CD300LG: variants seen among roughly 807,000 people sequenced by gnomAD.
CD300LG encodes the protein CMRF35-like molecule 9.
Under a neutral mutation model 31.5 loss-of-function variants are expected in CD300LG, and 29 were observed. That is an observed-to-expected ratio of 0.92 (90% CI 0.68 to 1.25). The LOEUF (loss-of-function observed/expected upper bound fraction) is 1.25, where lower values mean the gene tolerates loss of function less well. Ranked by LOEUF, CD300LG falls within the 50% of genes most tolerant of loss-of-function variation. CD300LG has a pLI of 0.00. For synonymous variants in CD300LG, 175 were observed against 177.2 expected (o/e 0.99, Z 0.10); for missense variants, 396 against 417.6 (o/e 0.95, Z 0.45).
At position 43,852,943 on chromosome 17, in the gene CD300LG, C is replaced by A; in HGVS notation, c.411C>A (p.Thr137=). The A allele has an allele frequency of 6.2e-7, 1 of 1,613,166 alleles. No homozygotes were observed. Among genetic ancestry groups the A allele is most frequent in the Non-Finnish European group, 8.5e-7 (1 of 1,179,606 alleles). ...GPCCPPSPSP[T]FQPLATTRLQ... is the part of the protein sequence containing the mutation. The stretch of plus-strand genomic sequence containing the variant: ...GCTGTCCTCCCTCCCCTTCTCCCAC[C>A]TTCCAGCCTCTGGCTACAACACGCC... Residue 137 remains threonine, a synonymous_variant, in exon 3 of 7, where the codon ACC becomes ACA. Transcript: ENST00000317310.
At position 43,858,023 on chromosome 17, in the gene CD300LG, C is replaced by T. The variant is rs73985466; in HGVS notation, c.885+867C>T. ...GGCTGCAGCATCGCACTTCAGGCAA[C>T]AGAAGCCCCTCCTGGCCCCTCCTCC... is the stretch of plus-strand genomic sequence containing the variant. On this transcript the variant is annotated intron_variant, in intron 6 of 6. Transcript: ENST00000317310. 4.0e-3 allele frequency: 5,860 copies of T among 1,454,192 alleles called. 198 individuals are homozygous for T. In the African/African-American group the frequency reaches 0.074, roughly 18 times the overall value. The allele number at this position is 1,454,192 out of a possible 1,614,324, so 90.1% of individuals were successfully genotyped here.
chr17:43,862,004 G>A lies in CD300LG; in HGVS notation c.*93G>A. ...GAAAGCTTTCCACCTCAGCCTCAGA[G>A]TCCAGCTGCCCGGACTCCAGGGCTC... On this transcript the variant is annotated 3_prime_UTR_variant, in exon 7 of 7. Transcript: ENST00000317310. 1.2e-6 allele frequency: 1 copy of A among 860,494 alleles called. No individual in the cohort carries two copies. 53.3% of individuals were successfully genotyped at this position (860,494 alleles called of 1,614,324 possible).
At chr17:43,852,514 T>C (rs2046389178) in intron 2 of CD300LG, among the ~76,000 whole-genome samples, 1 of 152,212 alleles carries the variant, frequency 6.6e-6, no homozygotes. Context: ...ACACCCGGCC[T>C]GAAGCCTGAG....
chr17:43,859,161 G>T (rs568496633), intron 6 of CD300LG, among the ~76,000 whole-genome samples: 1 of 152,130 alleles, frequency 6.6e-6, no homozygotes, highest in South Asian at 2.1e-4. Flanking sequence ...AAGTACAAGG[G>T]GTTTGAGGAA....
intron 5 of CD300LG, 194 bp downstream of exon 5, chr17:43,855,513 A>G (rs772903506): frequency 2.1e-6 from 1 of 465,732 alleles, no homozygotes; most frequent in Non-Finnish European, 3.8e-6. Context: ...GTAATTCACA[A>G]GGGGAAATGG....
At position 43,848,668 on chromosome 17, in the gene CD300LG, A is replaced by G. The variant is rs771133413; in HGVS notation, c.154A>G (p.Arg52Gly). Residue 52 changes from arginine (R) to glycine (G), a missense_variant, in exon 2 of 7, where the codon AGG becomes GGG. Coordinates refer to ENST00000317310, the MANE Select transcript of CD300LG (RefSeq NM_145273.4). ...ELRDHRKYWC[R>G]KGGILFSRCS... ...GAGGGACCACCGGAAGTACTGGTGCAGGAAGGGTGGGATCCTCTTCTCTCG... is the reference window on the plus strand; with the variant it reads ...GAGGGACCACCGGAAGTACTGGTGCGGGAAGGGTGGGATCCTCTTCTCTCG... 1.2e-6 allele frequency: 2 copies of G among 1,614,154 alleles called. No individual in the cohort carries two copies. Among genetic ancestry groups the G allele is most frequent in the South Asian group, 1.1e-5 (1 of 91,084 alleles).
intron 2 of CD300LG, among the ~76,000 whole-genome samples, chr17:43,850,690 C>G (rs541032712): frequency 6.6e-6 from 1 of 151,962 alleles, no homozygotes; most frequent in Non-Finnish European, 1.5e-5. Context: ...ATTGGCCTGT[C>G]TGGTCTCAAA....
intron 4 of CD300LG, 56 bp downstream of exon 4, chr17:43,854,100 C>A: frequency 7.3e-7 from 1 of 1,366,296 alleles, no homozygotes; most frequent in East Asian, 2.3e-5. Flanking sequence ...CATAAGGTGC[C>A]TTTGAGAAAA....
chr17:43,860,338 A>G (rs2143414824), intron 6 of CD300LG, among the ~76,000 whole-genome samples: 1 of 152,348 alleles, frequency 6.6e-6, no homozygotes, highest in Non-Finnish European at 1.5e-5. Context: ...AATAGGAAAG[A>G]GTGAGATGAT....
chr17:43,847,400 T>TGGGGGGGGGG, intron 1 of CD300LG, 141 bp downstream of exon 1: 1 of 325,846 alleles, frequency 3.1e-6, no homozygotes, highest in Non-Finnish European at 5.7e-6. Context: ...GGGCTGGGGG[T>TGGGGGGGGGG]GGGGGGAGGT....
At chr17:43,854,139 G>T in intron 4 of CD300LG, 95 bp downstream of exon 4, 2 of 912,074 alleles carry the variant, frequency 2.2e-6, no homozygotes, top group Non-Finnish European at 3.4e-6. Flanking sequence ...TCCTCTAAGC[G>T]GACGCATCCT....
In CD300LG at chr17:43,857,095, C is replaced by T. The variant is rs1216355471; in HGVS notation, c.833-9C>T. 6.2e-7 allele frequency: 1 copy of T among 1,614,010 alleles called. No homozygotes were observed. Among genetic ancestry groups the T allele is most frequent in the Non-Finnish European group, 8.5e-7 (1 of 1,179,948 alleles). ...CTTCAAGGGGCTCCTCCTTCTACAT[C>T]TCTTTCAGCTCAACAGGCCACGGAG... is the stretch of plus-strand genomic sequence containing the variant. On this transcript the variant is annotated splice_polypyrimidine_tract_variant and intron_variant, in intron 5 of 6. Transcript: ENST00000317310.
At chr17:43,848,958 T>C in intron 2 of CD300LG, 65 bp downstream of exon 2, 2 of 1,353,386 alleles carry the variant, frequency 1.5e-6, no homozygotes, top group East Asian at 2.3e-5. Context: ...GGAGGGGTGG[T>C]GGGGCATAAT....
At chr17:43,857,076 G>A in intron 5 of CD300LG, 28 bp from the exon 6 acceptor site, 1 of 1,613,576 alleles carries the variant, frequency 6.2e-7, no homozygotes, top group Non-Finnish European at 8.5e-7. Context: ...CTGGCTTCAA[G>A]GGGCTCCTCC....
At chr17:43,847,394 T>TGGGGGGGGGGGGGGGGGGG in intron 1 of CD300LG, 135 bp downstream of exon 1, 1 of 311,078 alleles carries the variant, frequency 3.2e-6, no homozygotes, top group Non-Finnish European at 6.1e-6. Flanking sequence ...CGGGGCGGGC[T>TGGGGGGGGGGGGGGGGGGG]GGGGGTGGGG....
intron 6 of CD300LG, chr17:43,857,640 C>G (rs1282535920): frequency 1.8e-6 from 2 of 1,136,612 alleles, no homozygotes; most frequent in African/African-American, 1.5e-5. Flanking sequence ...TCCAGGGACT[C>G]TGGCAGTGCT....
chr17:43,848,870 T>C lies in CD300LG; in HGVS notation c.356T>C (p.Leu119Pro), dbSNP rs1312724223. 6.2e-7 allele frequency: 1 copy of C among 1,611,362 alleles called. No individual in the cohort carries two copies. Residue 119 changes from leucine (L) to proline (P), a missense_variant, in exon 2 of 7, where the codon CTG (leucine) becomes CCG (proline). Leu to Pro is a moderately conservative substitution (Grantham distance 98, BLOSUM62 -3). Coordinates refer to ENST00000317310, the MANE Select transcript of CD300LG (RefSeq NM_145273.4). ...AAACGGGGCCCCGATGAGTCTTTAC[T>C]GATCTCTCTGTTCGTCTTTCCAGGT... ...VEKRGPDESLLISLFVFPGPC... is the reference protein window; with the variant it reads ...VEKRGPDESLPISLFVFPGPC...
chr17:43,848,788 G>A lies in CD300LG; in HGVS notation c.274G>A (p.Val92Met), dbSNP rs1241510961. Residue 92 changes from valine to methionine, a missense_variant, in exon 2 of 7, where the codon GTG becomes ATG. Transcript: ENST00000317310. ...RDSRQELSLI[V>M]TLWNLTLQDA... ...CAGCCGCCAGGAGCTCTCGCTCATTGTGACCCTGTGGAACCTCACCCTGCA... is the reference window on the plus strand; with the variant it reads ...CAGCCGCCAGGAGCTCTCGCTCATTATGACCCTGTGGAACCTCACCCTGCA... 2.5e-6 allele frequency: 4 copies of A among 1,614,176 alleles called. No individual in the cohort carries two copies. The highest frequency in any genetic ancestry group is 1.7e-5 in the Admixed American group (1 of 60,032).
chr17:43,852,101 G>A (rs1033852240), intron 2 of CD300LG, among the ~76,000 whole-genome samples: 1 of 152,134 alleles, frequency 6.6e-6, no homozygotes, highest in Admixed American at 6.5e-5. Flanking sequence ...CAGGAGGCTG[G>A]TTTAGTCGGG....
Sources: allele counts gnomAD v4.1 joint callset (sites outside exome capture counted in the v4.1 genomes callset), GRCh38; gene constraint gnomAD v4.1.1; transcripts MANE v1.5; gene names NCBI Gene and HGNC (gene_info 2026-07-23, HGNC 2026-07-21).